FTO: variants seen among roughly 807,000 people sequenced by gnomAD.
FTO encodes the protein alpha-ketoglutarate-dependent dioxygenase FTO.
A neutral mutation model predicts 63.9 loss-of-function variants in FTO; 47 were observed. The ratio of observed to expected loss-of-function variants is 0.74; its 90% confidence interval spans 0.58 to 0.94. The LOEUF is 0.94. Among genes scored for constraint, FTO ranks in the 40% least tolerant of loss-of-function variants. The pLI, the probability that FTO is intolerant of heterozygous loss-of-function variation, is 0.00. For synonymous variants in FTO, 207 were observed against 224.4 expected (o/e 0.92, Z 0.69); for missense variants, 562 against 618.1 (o/e 0.91, Z 0.96).
intron 1 of FTO, among the ~76,000 whole-genome samples, chr16:53,733,937 A>G (rs2076330090): frequency 6.6e-6 from 1 of 152,224 alleles, no homozygotes; most frequent in South Asian, 2.1e-4. Context: ...ACACAACAAA[A>G]CTTCACTAAA....
intron 3 of FTO, among the ~76,000 whole-genome samples, chr16:53,830,384 C>T (rs998214085): frequency 3.9e-5 from 6 of 152,194 alleles, no homozygotes; most frequent in African/African-American, 1.2e-4. Context: ...GCATTAAAAA[C>T]CCAATGTTTA....
intron 1 of FTO, among the ~76,000 whole-genome samples, chr16:53,725,276 T>C (rs2076128071): frequency 6.6e-6 from 1 of 152,252 alleles, no homozygotes; most frequent in Non-Finnish European, 1.5e-5. Flanking sequence ...TGATTTTATG[T>C]ACATATATGC....
Position 53,705,319 on chromosome 16 carries a change from G to C in FTO, c.45+1090G>C, listed in dbSNP as rs1029750531. 5.3e-5 allele frequency among the ~76,000 whole-genome samples: 8 copies of C among 152,122 alleles called. 1 individual carries two copies. Among genetic ancestry groups the C allele is most frequent in the Non-Finnish European group, 8.8e-5 (6 of 68,028 alleles). On this transcript the variant is annotated intron_variant, in intron 1 of 8. Transcript: ENST00000471389. Reference sequence around the variant, plus strand: ...AGGCAAAACTTCACATTGCCTACAAGATCCTGCATGATCTGGACCCTACCT... The same window carrying C: ...AGGCAAAACTTCACATTGCCTACAACATCCTGCATGATCTGGACCCTACCT...
chr16:54,027,866 T>G (rs1158723613), intron 8 of FTO, among the ~76,000 whole-genome samples: 3 of 152,196 alleles, frequency 2.0e-5, no homozygotes, highest in Non-Finnish European at 2.9e-5. Context: ...GTCCCTCTTG[T>G]TTTTTTGTAT....
At chr16:54,059,630 A>C (rs2085521751) in intron 8 of FTO, among the ~76,000 whole-genome samples, 1 of 152,154 alleles carries the variant, frequency 6.6e-6, no homozygotes, top group Admixed American at 6.5e-5. Flanking sequence ...CACCAGCAAT[A>C]AGAGTGCATT....
chr16:53,704,380 G>A (rs1971847678), intron 1 of FTO, 151 bp downstream of exon 1: 2 of 793,800 alleles, frequency 2.5e-6, no homozygotes, highest in East Asian at 5.3e-5. Context: ...GATATTAGAG[G>A]GGATGTTACA....
At chr16:53,902,821 G>A (rs1323810419) in intron 7 of FTO, among the ~76,000 whole-genome samples, 1 of 152,198 alleles carries the variant, frequency 6.6e-6, no homozygotes, top group African/African-American at 2.4e-5. Flanking sequence ...GAATTCAAAA[G>A]TTATCAACGT....
At chr16:53,985,380 C>G (rs2083642082) in intron 8 of FTO, among the ~76,000 whole-genome samples, 1 of 152,152 alleles carries the variant, frequency 6.6e-6, no homozygotes. Context: ...CAGATACCCG[C>G]ATTATTATCG....
intron 1 of FTO, among the ~76,000 whole-genome samples, chr16:53,785,186 C>T (rs2077702276): frequency 6.6e-6 from 1 of 152,166 alleles, no homozygotes; most frequent in Non-Finnish European, 1.5e-5. Context: ...CTAAGGCTCA[C>T]ATCACTGTCT....
chr16:54,041,612 C>G (rs963154440), intron 8 of FTO, among the ~76,000 whole-genome samples: 2 of 152,102 alleles, frequency 1.3e-5, no homozygotes, highest in East Asian at 1.9e-4. Context: ...AGGACAGTAT[C>G]CTTTCTGGCT....
At chr16:53,945,176 C>T (rs780211648) in intron 8 of FTO, among the ~76,000 whole-genome samples, 2 of 152,174 alleles carry the variant, frequency 1.3e-5, no homozygotes, top group Non-Finnish European at 2.9e-5. Context: ...TGGCTCCATA[C>T]GTGAGATCCC....
In FTO at chr16:53,825,716, T is replaced by G. The variant is rs930942067; in HGVS notation, c.124-148T>G. On this transcript the variant is annotated intron_variant, in intron 2 of 8. Coordinates refer to ENST00000471389, the MANE Select transcript of FTO (RefSeq NM_001080432.3). Reference sequence around the variant, plus strand: ...ATTTGTTTTATTTGGTTTTCTGTTTTGGGCTAGGAAGATGTGACTCCTATT... The same window carrying G: ...ATTTGTTTTATTTGGTTTTCTGTTTGGGGCTAGGAAGATGTGACTCCTATT... 5 of 817,860 alleles carry G rather than the reference T, an allele frequency of 6.1e-6. No individual in the cohort carries two copies. The African/African-American group carries it at 8.5e-5, about 14-fold the overall frequency. 50.7% of individuals were successfully genotyped at this position (817,860 alleles called of 1,614,324 possible). A position where few individuals can be genotyped will look rare whatever the true frequency, so the allele number is the denominator to read the frequency against.
intron 8 of FTO, among the ~76,000 whole-genome samples, chr16:53,988,408 A>T (rs573416042): frequency 7.9e-5 from 12 of 152,302 alleles, no homozygotes; most frequent in African/African-American, 1.9e-4. Flanking sequence ...ATGAAGAAAA[A>T]ATTCTGGCAG....
chr16:53,942,930 A>G (rs928977742), intron 8 of FTO, among the ~76,000 whole-genome samples: 1 of 152,140 alleles, frequency 6.6e-6, no homozygotes, highest in Non-Finnish European at 1.5e-5. Flanking sequence ...TACTAGGTAA[A>G]CTTGTTTGCA....
chr16:54,082,995 A>G (rs1156934710), intron 8 of FTO, among the ~76,000 whole-genome samples: 1 of 152,106 alleles, frequency 6.6e-6, no homozygotes, highest in Non-Finnish European at 1.5e-5. Context: ...TTTCATTGTG[A>G]TTATGTTACA....
In FTO at chr16:53,883,737, C is replaced by T. The variant is rs16952618; in HGVS notation, c.1119+3750C>T. ...CAGAGATGTACTGTATCAGAAACCTCGGCCCCCTGGGGTTGAATAGAGAGA... is the reference window on the plus strand; with the variant it reads ...CAGAGATGTACTGTATCAGAAACCTTGGCCCCCTGGGGTTGAATAGAGAGA... On this transcript the variant is annotated intron_variant, in intron 6 of 8. Coordinates refer to ENST00000471389, the MANE Select transcript of FTO (RefSeq NM_001080432.3). 0.018 allele frequency among the ~76,000 whole-genome samples: 2,702 copies of T among 151,492 alleles called. 229 individuals carry two copies. The East Asian group carries it at 0.27, about 15-fold the overall frequency.
chr16:53,741,241 CT>C (rs2076522087), intron 1 of FTO, among the ~76,000 whole-genome samples: 1 of 152,136 alleles, frequency 6.6e-6, no homozygotes, highest in African/African-American at 2.4e-5. Flanking sequence ...CTATCTGGAC[CT>C]TTATAGAAAA....
At chr16:54,111,735 A>T (rs758863812) in intron 8 of FTO, 27 bp from the exon 9 acceptor site, 2 of 1,613,912 alleles carry the variant, frequency 1.2e-6, no homozygotes, top group Non-Finnish European at 1.7e-6. Flanking sequence ...CCTCCCGTGG[A>T]TTAATTTCCT....
At chr16:53,985,124 G>A (rs2083636404) in intron 8 of FTO, among the ~76,000 whole-genome samples, 1 of 152,026 alleles carries the variant, frequency 6.6e-6, no homozygotes, top group Non-Finnish European at 1.5e-5. Flanking sequence ...GAGAGAGAAG[G>A]GTGGCAATTA....
Sources: gnomAD v4.1 joint callset for allele counts (sites outside exome capture counted in the v4.1 genomes callset) on GRCh38, gnomAD v4.1.1 for gene constraint, MANE v1.5 for transcripts, NCBI Gene and HGNC (gene_info 2026-07-23, HGNC 2026-07-21) for gene names.